Variants in ADAMTS17 observed in about 807,000 individuals in gnomAD.
ADAMTS17 encodes A disintegrin and metalloproteinase with thrombospondin motifs 17.
ADAMTS17 carries 113 observed loss-of-function variants against 141.5 expected under a neutral mutation model. That is an observed-to-expected ratio of 0.80 (90% CI 0.69 to 0.93). The LOEUF (loss-of-function observed/expected upper bound fraction) is 0.93, where lower values mean the gene tolerates loss of function less well. ADAMTS17 is among the 40% of genes least tolerant of loss of function. ADAMTS17 has a pLI of 0.00. For synonymous variants in ADAMTS17, 768 were observed against 630.6 expected, an observed-to-expected ratio of 1.22 and a Z score of -3.27; for missense variants, 1,659 against 1,517.9, an observed-to-expected ratio of 1.09 and a Z score of -1.54.
intron 9 of ADAMTS17, 69 bp from the exon 10 acceptor site, chr15:100,152,831 T>TTG: frequency 1.9e-6 from 3 of 1,581,560 alleles, no homozygotes; most frequent in Non-Finnish European, 2.6e-6. Flanking sequence ...CTTTTTCTTT[T>TTG]TTTTTTTGAG....
intron 6 of ADAMTS17, chr15:100,256,672 G>T (rs937330134): frequency 5.2e-5 from 8 of 152,586 alleles, no homozygotes; most frequent in African/African-American, 1.7e-4. Context: ...TGGCCAGAGG[G>T]ATCCTGGTGG....
intron 10 of ADAMTS17, among the ~76,000 whole-genome samples, chr15:100,134,339 C>G (rs991542564): frequency 1.3e-5 from 2 of 152,214 alleles, no homozygotes; most frequent in Non-Finnish European, 2.9e-5. Flanking sequence ...AAACTACTTG[C>G]ACCCAAATCC....
intron 7 of ADAMTS17, among the ~76,000 whole-genome samples, chr15:100,215,230 A>T (rs2041933597): frequency 6.6e-6 from 1 of 152,196 alleles, no homozygotes. Flanking sequence ...GGTGAAGCAA[A>T]CTTCCCAAAG....
chr15:99,980,341 CAGAG>C (rs984086286), intron 20 of ADAMTS17: 3 of 152,200 alleles, frequency 2.0e-5, no homozygotes, highest in African/African-American at 4.8e-5. Context: ...AAACTAAAAA[CAGAG>C]AGATACACCT....
intron 7 of ADAMTS17, among the ~76,000 whole-genome samples, chr15:100,219,539 G>A (rs754669326): frequency 1.8e-4 from 27 of 152,040 alleles, no homozygotes; most frequent in East Asian, 7.7e-4. Context: ...GAGCGTTATC[G>A]TCCTCAGATA....
intron 15 of ADAMTS17, among the ~76,000 whole-genome samples, chr15:100,072,974 C>T (rs1394806555): frequency 6.6e-6 from 1 of 152,154 alleles, no homozygotes; most frequent in African/African-American, 2.4e-5. Flanking sequence ...TCAGAGTGAA[C>T]AGGCAACCTG....
intron 3 of ADAMTS17, among the ~76,000 whole-genome samples, chr15:100,294,828 C>G (rs1350159863): frequency 6.6e-6 from 1 of 152,168 alleles, no homozygotes; most frequent in Non-Finnish European, 1.5e-5. Flanking sequence ...CCGTGAAAAC[C>G]ACCTATTTGA....
At chr15:100,155,356 A>G (rs754746645) in intron 8 of ADAMTS17, 36 bp from the exon 9 acceptor site, 8 of 1,602,540 alleles carry the variant, frequency 5.0e-6, no homozygotes, top group Non-Finnish European at 5.1e-6. Context: ...TGCTTATGCT[A>G]CAAGCTTCTC....
At chr15:100,196,135 T>C (rs1390014413) in intron 8 of ADAMTS17, among the ~76,000 whole-genome samples, 1 of 152,218 alleles carries the variant, frequency 6.6e-6, no homozygotes, top group African/African-American at 2.4e-5. Context: ...GACATTACCA[T>C]GGCAAGAACT....
intron 15 of ADAMTS17, among the ~76,000 whole-genome samples, chr15:100,092,255 ATCAG>A (rs1387115078): frequency 6.6e-6 from 1 of 152,206 alleles, no homozygotes; most frequent in East Asian, 1.9e-4. Flanking sequence ...TCTGATGGTA[ATCAG>A]TCTTCAACGT....
At chr15:100,039,971 T>G (rs1267932018) in intron 18 of ADAMTS17, among the ~76,000 whole-genome samples, 1 of 152,206 alleles carries the variant, frequency 6.6e-6, no homozygotes, top group Non-Finnish European at 1.5e-5. Context: ...TCTAGTAGTT[T>G]TTTTAAAAAA....
intron 18 of ADAMTS17, among the ~76,000 whole-genome samples, chr15:100,035,128 C>G (rs1213323521): frequency 6.6e-6 from 1 of 152,154 alleles, no homozygotes; most frequent in African/African-American, 2.4e-5. Flanking sequence ...GCTCAGCTTT[C>G]AAAAGAGCAA....
chr15:100,329,518 C>A (rs530752498), intron 3 of ADAMTS17, among the ~76,000 whole-genome samples: 1 of 128,602 alleles, frequency 7.8e-6, no homozygotes, highest in Non-Finnish European at 1.7e-5. Context: ...AGAGTGAGAT[C>A]GTGTCTCCAA....
At chr15:100,021,479 A>C (rs908843927) in intron 18 of ADAMTS17, among the ~76,000 whole-genome samples, 2 of 152,124 alleles carry the variant, frequency 1.3e-5, no homozygotes, top group African/African-American at 4.8e-5. Flanking sequence ...CTGCCTCCCC[A>C]AAAACAAACA....
chr15:100,289,453 G>A (rs1158101069), intron 3 of ADAMTS17, among the ~76,000 whole-genome samples: 1 of 152,046 alleles, frequency 6.6e-6, no homozygotes, highest in East Asian at 1.9e-4. Flanking sequence ...TATGAAATAT[G>A]AAGGAGGAGG....
chr15:100,164,141 C>G (rs558520703), intron 8 of ADAMTS17, among the ~76,000 whole-genome samples: 2 of 152,298 alleles, frequency 1.3e-5, no homozygotes, highest in East Asian at 3.9e-4. Context: ...CCCCTGCACT[C>G]CAGGGACACG....
chr15:100,056,489 GATC>G (rs1210212981), intron 15 of ADAMTS17, among the ~76,000 whole-genome samples: 1 of 152,138 alleles, frequency 6.6e-6, no homozygotes, highest in Non-Finnish European at 1.5e-5. Flanking sequence ...TTCCACCTCA[GATC>G]ATCAGCCATT....
intron 17 of ADAMTS17, among the ~76,000 whole-genome samples, chr15:100,049,666 C>T (rs755332882): frequency 2.6e-5 from 4 of 152,226 alleles, no homozygotes; most frequent in Non-Finnish European, 4.4e-5. Context: ...AAATACTGCA[C>T]GGCCATGCCT....
intron 3 of ADAMTS17, among the ~76,000 whole-genome samples, chr15:100,313,995 C>G (rs1318589752): frequency 8.4e-6 from 1 of 118,632 alleles, no homozygotes; most frequent in Non-Finnish European, 1.7e-5. Flanking sequence ...CCCCAAACGT[C>G]ACCATGAAGA....
Sources: gnomAD v4.1 joint callset for allele counts (sites outside exome capture counted in the v4.1 genomes callset) on GRCh38, gnomAD v4.1.1 for gene constraint, MANE v1.5 for transcripts, NCBI Gene and HGNC (gene_info 2026-07-23, HGNC 2026-07-21) for gene names.